Variants in SAMD5 observed in about 807,000 individuals in gnomAD.
SAMD5 encodes sterile alpha motif domain containing 5.
Under a neutral mutation model 11.3 loss-of-function variants are expected in SAMD5, and 13 were observed. The observed-to-expected ratio is 1.15, with a 90% CI of 0.75 to 1.83. The LOEUF is 1.83. SAMD5 is among the 40% of genes most tolerant of loss of function. The probability of loss-of-function intolerance (pLI) is 0.00; values close to 1 mark genes in which losing one functional copy is unlikely to be tolerated. For missense variants in SAMD5, 255 were observed against 239.1 expected (o/e 1.07, Z -0.44); for synonymous variants, 129 against 111.3 (o/e 1.16, Z -1.00).
chr6:147,727,962 C>T (rs1315507260), intron 1 of SAMD5, among the ~76,000 whole-genome samples: 2 of 152,188 alleles, frequency 1.3e-5, no homozygotes, highest in Non-Finnish European at 2.9e-5. Flanking sequence ...CTTTTCTGTA[C>T]AGACTGCACC....
the SAMD5 span, among the ~76,000 whole-genome samples, chr6:147,844,162 C>T: frequency 6.6e-6 from 1 of 151,850 alleles, no homozygotes; most frequent in Non-Finnish European, 1.5e-5. Context: ...AACAAATAAC[C>T]CTATTACTAA....
chr6:147,880,332 C>T, the SAMD5 span, among the ~76,000 whole-genome samples: 7 of 152,048 alleles, frequency 4.6e-5, no homozygotes, highest in African/African-American at 1.7e-4. Flanking sequence ...CCCTCTCCTT[C>T]TCTTTCTTTC....
chr6:147,744,920 A>AATAAATAAATAAATAAATAG, the SAMD5 span, among the ~76,000 whole-genome samples: 46 of 151,054 alleles, frequency 3.0e-4, no homozygotes, highest in African/African-American at 9.3e-4. Context: ...TAAATAAATA[A>AATAAATAAATAAATAAATAG]ATAAGTAAGT....
intron 1 of SAMD5, among the ~76,000 whole-genome samples, chr6:147,597,720 T>C (rs933945790): frequency 3.3e-5 from 5 of 152,232 alleles, no homozygotes; most frequent in African/African-American, 9.6e-5. Flanking sequence ...CAAAACTTCA[T>C]GTTGCAACCA....
At chr6:147,838,060 A>G in the SAMD5 span, among the ~76,000 whole-genome samples, 1 of 152,110 alleles carries the variant, frequency 6.6e-6, no homozygotes, top group Non-Finnish European at 1.5e-5. Context: ...AAATATGTAT[A>G]TTGTTAAGTG....
chr6:147,521,117 C>T (rs561501597), intron 1 of SAMD5, among the ~76,000 whole-genome samples: 1 of 151,868 alleles, frequency 6.6e-6, no homozygotes, highest in Non-Finnish European at 1.5e-5. Flanking sequence ...AAATCTTACC[C>T]ATGTTACTAC....
At chr6:147,801,236 G>T in the SAMD5 span, among the ~76,000 whole-genome samples, 1 of 152,162 alleles carries the variant, frequency 6.6e-6, no homozygotes, top group Non-Finnish European at 1.5e-5. Flanking sequence ...TTACTTTATG[G>T]AATCCTAATT....
At chr6:147,528,929 C>T (rs1788386333) in intron 1 of SAMD5, among the ~76,000 whole-genome samples, 1 of 152,218 alleles carries the variant, frequency 6.6e-6, no homozygotes, top group Admixed American at 6.5e-5. Flanking sequence ...CTCAGACTCC[C>T]AATTCACATG....
chr6:147,530,703 TGAAAA>T (rs1788417240), intron 1 of SAMD5, among the ~76,000 whole-genome samples: 1 of 152,212 alleles, frequency 6.6e-6, no homozygotes, highest in South Asian at 2.1e-4. Flanking sequence ...AATCACCGAC[TGAAAA>T]GAAGAGAGCA....
chr6:147,920,763 T>C, the SAMD5 span, among the ~76,000 whole-genome samples: 12 of 152,222 alleles, frequency 7.9e-5, no homozygotes, highest in Admixed American at 7.9e-4. Flanking sequence ...ATGGCATTAC[T>C]GTTCAGGCAA....
intron 1 of SAMD5, among the ~76,000 whole-genome samples, chr6:147,535,068 C>T (rs1032418138): frequency 6.6e-6 from 1 of 152,150 alleles, no homozygotes; most frequent in Non-Finnish European, 1.5e-5. Context: ...TTTGCAAAGG[C>T]GGTTTCAATC....
the SAMD5 span, among the ~76,000 whole-genome samples, chr6:147,810,434 C>T: frequency 1.2e-3 from 190 of 152,286 alleles, 1 homozygote; most frequent in African/African-American, 4.3e-3. Flanking sequence ...GTGTGTAGTG[C>T]GGGCTTGACC....
chr6:147,746,481 C>T, the SAMD5 span, among the ~76,000 whole-genome samples: 2 of 152,194 alleles, frequency 1.3e-5, no homozygotes, highest in African/African-American at 4.8e-5. Flanking sequence ...ACTTACTTTC[C>T]ACTTCACTTT....
chr6:147,553,579 T>C (rs1403441591), intron 1 of SAMD5, among the ~76,000 whole-genome samples: 1 of 152,222 alleles, frequency 6.6e-6, no homozygotes, highest in Non-Finnish European at 1.5e-5. Flanking sequence ...AGAGGTCCTT[T>C]GGTCTGGGCT....
downstream of SAMD5, chr6:147,741,808 C>T (rs1440509431): frequency 6.6e-6 from 1 of 152,062 alleles, no homozygotes; most frequent in Admixed American, 6.6e-5. Context: ...TGCATGGGGC[C>T]CTCCTTCTCT....
chr6:147,609,848 G>T (rs1236768736), intron 1 of SAMD5, among the ~76,000 whole-genome samples: 2 of 152,172 alleles, frequency 1.3e-5, no homozygotes, highest in African/African-American at 2.4e-5. Flanking sequence ...GAGCCACCAC[G>T]CCCGGCCAGA....
chr6:147,544,914 A>G lies in SAMD5; in HGVS notation c.460-19480A>G, dbSNP rs923258602. Among the ~76,000 whole-genome samples the G allele has an allele frequency of 2.0e-5, 3 of 152,222 alleles. No homozygotes were observed. In the East Asian group the frequency reaches 5.8e-4, roughly 29 times the overall value. ...TGCATAGCTGAAATTCTTTGACAAC[A>G]AAATAAATTCTGGATACTAGTAGAA... On this transcript the variant is annotated intron_variant, in intron 1 of 1. Transcript: ENST00000367474.
At chr6:147,657,754 G>A (rs1176891063) in intron 1 of SAMD5, among the ~76,000 whole-genome samples, 1 of 152,148 alleles carries the variant, frequency 6.6e-6, no homozygotes, top group Non-Finnish European at 1.5e-5. Context: ...AAGGGGCATG[G>A]AAGCTCTCCG....
the SAMD5 span, among the ~76,000 whole-genome samples, chr6:147,887,841 T>C: frequency 6.6e-6 from 1 of 152,184 alleles, no homozygotes; most frequent in Admixed American, 6.5e-5. Flanking sequence ...GTATGATGAG[T>C]CTTTTTAGTT....
Sources: gnomAD v4.1 joint callset for allele counts (sites outside exome capture counted in the v4.1 genomes callset) on GRCh38, gnomAD v4.1.1 for gene constraint, MANE v1.5 for transcripts, NCBI Gene and HGNC (gene_info 2026-07-23, HGNC 2026-07-21) for gene names.